Variants in NAALADL2 observed in about 807,000 individuals in gnomAD.
NAALADL2 encodes inactive N-acetylated-alpha-linked acidic dipeptidase-like protein 2.
A neutral mutation model predicts 87.2 loss-of-function variants in NAALADL2; 76 were observed. The observed-to-expected ratio is 0.87, with a 90% CI of 0.72 to 1.05. The LOEUF (loss-of-function observed/expected upper bound fraction) is 1.05, where lower values mean the gene tolerates loss of function less well. Ranked by LOEUF, NAALADL2 falls within the 50% of genes least tolerant of loss-of-function variation. The probability of loss-of-function intolerance (pLI) is 0.00; values close to 1 mark genes in which losing one functional copy is unlikely to be tolerated. For synonymous variants in NAALADL2, 354 were observed against 331.0 expected, an observed-to-expected ratio of 1.07 and a Z score of -0.75; for missense variants, 1,089 against 945.8, an observed-to-expected ratio of 1.15 and a Z score of -1.99.
chr3:175,541,928 C>T (rs1276186083), intron 9 of NAALADL2, among the ~76,000 whole-genome samples: 1 of 152,096 alleles, frequency 6.6e-6, no homozygotes, highest in Non-Finnish European at 1.5e-5. Context: ...ACCATGTTGG[C>T]CAGGCTGTTC....
At chr3:174,911,941 T>C (rs565719616) in intron 1 of NAALADL2, among the ~76,000 whole-genome samples, 3 of 152,244 alleles carry the variant, frequency 2.0e-5, no homozygotes, top group South Asian at 2.1e-4. Flanking sequence ...GACAGACTTA[T>C]AGCTGTCTTC....
chr3:175,755,205 A>G lies in NAALADL2; in HGVS notation c.1991-15A>G. The G allele has an allele frequency of 1.9e-6, 3 of 1,601,762 alleles. No individual in the cohort carries two copies. The highest frequency in any genetic ancestry group is 2.6e-6 in the Non-Finnish European group (3 of 1,175,608). On this transcript the variant is annotated splice_polypyrimidine_tract_variant and intron_variant, in intron 12 of 13. Transcript: ENST00000454872. Reference sequence around the variant, plus strand: ...AGAATGTCTCTTCTGAGATGGGCTCATTTATCTTCACCAGGTGATCAACCC... The same window carrying G: ...AGAATGTCTCTTCTGAGATGGGCTCGTTTATCTTCACCAGGTGATCAACCC...
chr3:175,059,630 T>C, intron 1 of NAALADL2: 1 of 360,224 alleles, frequency 2.8e-6, no homozygotes. Flanking sequence ...AACAAGTGCA[T>C]GTTTTTTGGC....
intron 2 of NAALADL2, among the ~76,000 whole-genome samples, chr3:174,683,309 A>C (rs1263649192): frequency 6.6e-6 from 1 of 152,138 alleles, no homozygotes; most frequent in East Asian, 1.9e-4. Context: ...GACCTTAAAG[A>C]GGAGATAGAG....
chr3:175,141,042 G>A (rs1442006834), intron 2 of NAALADL2, among the ~76,000 whole-genome samples: 4 of 152,094 alleles, frequency 2.6e-5, no homozygotes, highest in African/African-American at 4.8e-5. Flanking sequence ...ATATCATGGA[G>A]GATAAAGGAG....
intron 2 of NAALADL2, among the ~76,000 whole-genome samples, chr3:174,736,486 A>G (rs551127287): frequency 1.3e-5 from 2 of 152,110 alleles, no homozygotes; most frequent in East Asian, 3.9e-4. Context: ...GAGACCCTGG[A>G]GTGGGTAGCT....
At chr3:175,358,438 C>T (rs1398622942) in intron 5 of NAALADL2, among the ~76,000 whole-genome samples, 1 of 150,758 alleles carries the variant, frequency 6.6e-6, no homozygotes, top group East Asian at 1.9e-4. Context: ...ATTGTGAAAT[C>T]AACAAGCTAA....
At chr3:175,644,992 T>G (rs918493423) in intron 11 of NAALADL2, among the ~76,000 whole-genome samples, 1 of 152,098 alleles carries the variant, frequency 6.6e-6, no homozygotes, top group Non-Finnish European at 1.5e-5. Flanking sequence ...TGTTTAGTGC[T>G]GAAAATATCC....
In NAALADL2 at chr3:175,762,122, A is replaced by C. The variant is rs113993392; in HGVS notation, c.2189+6704A>C. Among the ~76,000 whole-genome samples, 213 of 150,696 alleles carry C rather than the reference A, an allele frequency of 1.4e-3. 2 individuals are homozygous for C. Among genetic ancestry groups the C allele is most frequent in the African/African-American group, 4.8e-3 (197 of 41,060 alleles). On this transcript the variant is annotated intron_variant, in intron 13 of 13. Transcript: ENST00000454872. Reference sequence around the variant, plus strand: ...TTATCTTCTAGAAGTTTTATAGTATAGCATTTTACATTTAGGTCTATGATC... The same window carrying C: ...TTATCTTCTAGAAGTTTTATAGTATCGCATTTTACATTTAGGTCTATGATC...
chr3:174,486,581 G>T (rs543897001), intron 1 of NAALADL2, among the ~76,000 whole-genome samples: 2 of 151,930 alleles, frequency 1.3e-5, no homozygotes, highest in Non-Finnish European at 2.9e-5. Context: ...TCCGCTTTTG[G>T]GGGCAGAATT....
intron 1 of NAALADL2, among the ~76,000 whole-genome samples, chr3:174,921,821 AG>A (rs10712947): frequency 0.29 from 38,506 of 131,906 alleles, 6,222 homozygotes; most frequent in African/African-American, 0.42. Flanking sequence ...AAAAAAAAAA[AG>A]AAAAAGAAAA....
chr3:174,898,943 T>C (rs533633844), intron 1 of NAALADL2, among the ~76,000 whole-genome samples: 290 of 152,300 alleles, frequency 1.9e-3, no homozygotes, highest in Non-Finnish European at 1.5e-3. Flanking sequence ...GGGTGTTCAC[T>C]TGTCATTAAT....
intron 2 of NAALADL2, among the ~76,000 whole-genome samples, chr3:174,671,289 G>A (rs1726508683): frequency 6.6e-6 from 1 of 152,122 alleles, no homozygotes; most frequent in Non-Finnish European, 1.5e-5. Flanking sequence ...GATGGTCAGA[G>A]TGCAAGGAAG....
chr3:175,786,233 T>C (rs542914618), intron 13 of NAALADL2, among the ~76,000 whole-genome samples: 1,780 of 152,042 alleles, frequency 0.012, 46 homozygotes, highest in African/African-American at 0.041. Flanking sequence ...ATTTCCTGAA[T>C]CTGAACCTTG....
At chr3:174,719,661 A>G (rs1731523787) in intron 2 of NAALADL2, among the ~76,000 whole-genome samples, 1 of 152,218 alleles carries the variant, frequency 6.6e-6, no homozygotes, top group Non-Finnish European at 1.5e-5. Flanking sequence ...AACCATAAAC[A>G]CAGTTAGGAG....
intron 2 of NAALADL2, among the ~76,000 whole-genome samples, chr3:174,630,585 C>T (rs1056922733): frequency 1.3e-5 from 2 of 152,150 alleles, no homozygotes; most frequent in Non-Finnish European, 2.9e-5. Flanking sequence ...TATTCTCAAC[C>T]ACTACCTTTG....
intron 12 of NAALADL2, among the ~76,000 whole-genome samples, chr3:175,740,414 C>T (rs574838224): frequency 2.0e-5 from 3 of 152,204 alleles, no homozygotes; most frequent in Admixed American, 6.5e-5. Flanking sequence ...AGAGTGACTC[C>T]ACCTTGAATG....
At chr3:175,620,280 C>T (rs948161689) in intron 10 of NAALADL2, among the ~76,000 whole-genome samples, 3 of 152,278 alleles carry the variant, frequency 2.0e-5, no homozygotes, top group East Asian at 1.9e-4. Flanking sequence ...CTGCACTCAG[C>T]TCTTGCTCGC....
At chr3:175,667,321 T>G (rs967953801) in intron 11 of NAALADL2, among the ~76,000 whole-genome samples, 1 of 152,136 alleles carries the variant, frequency 6.6e-6, no homozygotes, top group Non-Finnish European at 1.5e-5. Flanking sequence ...ATTGGTCAGA[T>G]GTTTCAAACC....
Sources: gnomAD v4.1 joint callset for allele counts (sites outside exome capture counted in the v4.1 genomes callset) on GRCh38, gnomAD v4.1.1 for gene constraint, MANE v1.5 for transcripts, NCBI Gene and HGNC (gene_info 2026-07-23, HGNC 2026-07-21) for gene names.